The following CLASP1 variants were observed in gnomAD, a reference collection of about 807,000 sequenced individuals.
CLASP1 encodes cytoplasmic linker associated protein 1.
Under a neutral mutation model 192.3 loss-of-function variants are expected in CLASP1, and 38 were observed. The observed-to-expected ratio is 0.20, with a 90% CI of 0.15 to 0.26. The LOEUF (loss-of-function observed/expected upper bound fraction) is 0.26. CLASP1 is among the 10% of genes least tolerant of loss of function. CLASP1 has a pLI of 1.00. For synonymous variants in CLASP1, 691 were observed against 712.8 expected (o/e 0.97, Z 0.49); for missense variants, 1,433 against 1,932.5 (o/e 0.74, Z 4.85).
chr2:121,518,289 G>A (rs1343413316), intron 6 of CLASP1, among the ~76,000 whole-genome samples: 1 of 150,406 alleles, frequency 6.6e-6, no homozygotes, highest in Non-Finnish European at 1.5e-5. Context: ...GGTCATGATG[G>A]CGGGACCCTA....
chr2:121,473,927 C>T (rs1012103493), intron 8 of CLASP1, among the ~76,000 whole-genome samples: 2 of 152,140 alleles, frequency 1.3e-5, no homozygotes. Flanking sequence ...ACCCGCACTT[C>T]AAGAAATGTA....
chr2:121,584,399 ACAGT>A (rs2061507112), intron 2 of CLASP1, among the ~76,000 whole-genome samples: 1 of 152,146 alleles, frequency 6.6e-6, no homozygotes, highest in Admixed American at 6.5e-5. Context: ...CATTACTTAA[ACAGT>A]CAAATAGCTG....
intron 2 of CLASP1, among the ~76,000 whole-genome samples, chr2:121,580,653 G>A (rs867568935): frequency 4.0e-4 from 61 of 152,312 alleles, no homozygotes; most frequent in African/African-American, 1.4e-3. Context: ...GGATAAACAT[G>A]TAAATATTTG....
rs565853456 is a variant in CLASP1 at position 121,461,632 on chromosome 2, T to C, written c.940-439A>G. Among the ~76,000 whole-genome samples the C allele has an allele frequency of 3.9e-5, 6 of 152,312 alleles. No homozygotes were observed. In the East Asian group the frequency reaches 7.7e-4, roughly 20 times the overall value. On this transcript the variant is annotated intron_variant, in intron 10 of 39. Coordinates refer to ENST00000263710, the Ensembl canonical transcript of CLASP1. ...AGGTACAGGGTATAATCAATCTTGATGTATGCTGGGAAGGTCAGGTCAAGT... is the reference window on the plus strand; with the variant it reads ...AGGTACAGGGTATAATCAATCTTGACGTATGCTGGGAAGGTCAGGTCAAGT...
At chr2:121,458,075 T>A (rs147801249) in intron 13 of CLASP1, among the ~76,000 whole-genome samples, 1 of 152,326 alleles carries the variant, frequency 6.6e-6, no homozygotes, top group East Asian at 1.9e-4. Context: ...CAGACCAATA[T>A]ATTTTGATAC....
At chr2:121,542,424 CTAAG>C (rs1399717177) in intron 2 of CLASP1, among the ~76,000 whole-genome samples, 1 of 152,182 alleles carries the variant, frequency 6.6e-6, no homozygotes, top group African/African-American at 2.4e-5. Context: ...TGCAACCTCA[CTAAG>C]TAAGGAGAAA....
exon 19 of CLASP1, chr2:121,447,459 C>T (rs1433804272): frequency 6.4e-7 from 1 of 1,557,340 alleles, no homozygotes; most frequent in Non-Finnish European, 8.7e-7. Context: ...ACTTCGAGAT[C>T]GCTGGAGGGA....
intron 19 of CLASP1, among the ~76,000 whole-genome samples, chr2:121,431,401 C>T (rs535400572): frequency 2.6e-5 from 4 of 151,944 alleles, no homozygotes; most frequent in Non-Finnish European, 4.4e-5. Flanking sequence ...ATGAGAAAAC[C>T]GAGAAACAGG....
At chr2:121,375,387 C>T (rs2069835406) in intron 34 of CLASP1, among the ~76,000 whole-genome samples, 1 of 123,258 alleles carries the variant, frequency 8.1e-6, no homozygotes, top group African/African-American at 3.2e-5. Context: ...TTTTTTGAGA[C>T]AGAGTCTCAC....
intron 6 of CLASP1, among the ~76,000 whole-genome samples, chr2:121,523,544 G>A (rs1042364194): frequency 2.6e-5 from 4 of 152,108 alleles, no homozygotes; most frequent in Non-Finnish European, 2.9e-5. Flanking sequence ...TGAAGAGTAG[G>A]GCATTCTCCA....
At chr2:121,621,981 G>A (rs919125520) in intron 1 of CLASP1, among the ~76,000 whole-genome samples, 4 of 151,946 alleles carry the variant, frequency 2.6e-5, no homozygotes, top group African/African-American at 9.7e-5. Flanking sequence ...CCAACCAGCT[G>A]GGATTACAGG....
At chr2:121,416,427 T>C (rs1407458146) in intron 23 of CLASP1, among the ~76,000 whole-genome samples, 1 of 152,214 alleles carries the variant, frequency 6.6e-6, no homozygotes, top group Non-Finnish European at 1.5e-5. Flanking sequence ...TTGTTGTTGT[T>C]GTTAAAGAGC....
At chr2:121,415,751 T>C (rs2078468637) in intron 23 of CLASP1, among the ~76,000 whole-genome samples, 1 of 152,232 alleles carries the variant, frequency 6.6e-6, no homozygotes, top group Admixed American at 6.5e-5. Flanking sequence ...ATTTTATCTG[T>C]ACTACTAGAG....
At position 121,447,523 on chromosome 2, in the gene CLASP1, A is replaced by G. The variant is rs2084586846; in HGVS notation, c.1742-16T>C. The G allele has an allele frequency of 6.5e-7, 1 of 1,543,854 alleles. No individual in the cohort carries two copies. On this transcript the variant is annotated splice_polypyrimidine_tract_variant and intron_variant, in intron 18 of 39. Coordinates refer to ENST00000263710, the Ensembl canonical transcript of CLASP1. ...ACTGTAGAAGCTTTAGTGATAAAGG[A>G]GGAAATATGAATAAGGACTACATAG...
chr2:121,521,297 T>C (rs1260031630), intron 6 of CLASP1, among the ~76,000 whole-genome samples: 1 of 152,150 alleles, frequency 6.6e-6, no homozygotes, highest in African/African-American at 2.4e-5. Flanking sequence ...ATGGGGACGC[T>C]TTATGGCACT....
At chr2:121,593,736 C>T (rs996257434) in intron 2 of CLASP1, among the ~76,000 whole-genome samples, 4 of 151,308 alleles carry the variant, frequency 2.6e-5, no homozygotes, top group South Asian at 2.1e-4. Flanking sequence ...TTCGGCCAGG[C>T]GCAGTGGCTC....
In CLASP1 at chr2:121,633,450, T is replaced by C. The variant is rs116674331; in HGVS notation, c.-286+15922A>G. ...ACAATGTCTAACCCCTCCCCGCAAA[T>C]TCCAAAATTGAATCACTGACCAGTT... On this transcript the variant is annotated intron_variant, in intron 1 of 39. Coordinates refer to ENST00000263710, the Ensembl canonical transcript of CLASP1. 8.5e-3 allele frequency among the ~76,000 whole-genome samples: 1,298 copies of C among 152,132 alleles called. 17 individuals are homozygous for C. Among genetic ancestry groups the C allele is most frequent in the African/African-American group, 0.03 (1,245 of 41,478 alleles).
At chr2:121,531,030 T>C (rs186743380) in intron 2 of CLASP1, 104 of 700,082 alleles carry the variant, frequency 1.5e-4, no homozygotes, top group African/African-American at 2.3e-4. Context: ...TTTCATAGAC[T>C]TATCAGTTCA....
chr2:121,630,381 A>AACACACAC (rs60827939), intron 1 of CLASP1, among the ~76,000 whole-genome samples: 1,647 of 139,036 alleles, frequency 0.012, 30 homozygotes, highest in African/African-American at 0.037. Flanking sequence ...ATTGGAAAGA[A>AACACACAC]ACACACACAC....
Sources: gnomAD v4.1 joint callset for allele counts (sites outside exome capture counted in the v4.1 genomes callset) on GRCh38, gnomAD v4.1.1 for gene constraint, MANE v1.5 for transcripts, NCBI Gene and HGNC (gene_info 2026-07-23, HGNC 2026-07-21) for gene names.